TCOF1: variants seen among roughly 807,000 people sequenced by gnomAD.
TCOF1 encodes the protein treacle ribosome biogenesis factor 1, also known as treacle protein.
Under a neutral mutation model 149.0 loss-of-function variants are expected in TCOF1, and 33 were observed. The observed-to-expected ratio is 0.22, with a 90% CI of 0.17 to 0.30. TCOF1 has a LOEUF of 0.30. TCOF1 is among the 10% of genes least tolerant of loss of function. The pLI, the probability that TCOF1 is intolerant of heterozygous loss-of-function variation, is 1.00. For missense variants in TCOF1, 1,728 were observed against 1,840.7 expected (o/e 0.94, Z 1.12); for synonymous variants, 789 against 738.8 (o/e 1.07, Z -1.10).
rs775645448 is a variant in TCOF1, at chr5:150,375,145, A to C, written c.1470A>C (p.Ala490=). The change falls in exon 10 of 27, where the codon GCA becomes GCC. Residue 490 remains alanine (A), a synonymous_variant. Coordinates refer to ENST00000643257, the MANE Select transcript of TCOF1 (RefSeq NM_001371623.1). ...EESDSDREAL[A]AMNAAQVKPL... The stretch of plus-strand genomic sequence containing the variant: ...CAGACAGTGACAGAGAGGCACTGGC[A>C]GCCATGAATGCAGCTCAGGTGAGGC... The C allele has an allele frequency of 6.2e-7, 1 of 1,613,604 alleles. No individual in the cohort carries two copies.
At chr5:150,375,653 TTA>T in intron 11 of TCOF1, 66 bp from the exon 12 acceptor site, 1 of 1,612,748 alleles carries the variant, frequency 6.2e-7, no homozygotes, top group Non-Finnish European at 8.5e-7. Context: ...GTCTACAATC[TTA>T]GTTTCTTAAT....
intron 23 of TCOF1, among the ~76,000 whole-genome samples, chr5:150,395,665 C>T (rs1454880797): frequency 1.3e-5 from 2 of 152,230 alleles, no homozygotes; most frequent in South Asian, 4.1e-4. Context: ...TCAGCCACCA[C>T]GTGTATATAC....
At chr5:150,360,556 G>A (rs1214384640) in intron 1 of TCOF1, among the ~76,000 whole-genome samples, 1 of 152,180 alleles carries the variant, frequency 6.6e-6, no homozygotes, top group Non-Finnish European at 1.5e-5. Context: ...GGCATGGATA[G>A]TGCCAGAGAG....
intron 2 of TCOF1, among the ~76,000 whole-genome samples, chr5:150,361,785 T>A (rs1285122156): frequency 6.6e-6 from 1 of 151,834 alleles, no homozygotes; most frequent in Non-Finnish European, 1.5e-5. Flanking sequence ...GGGTAGAGAG[T>A]GGCAGGTGGA....
chr5:150,378,708 G>C (rs746850130), intron 14 of TCOF1, 197 bp from the exon 15 acceptor site: 4 of 674,960 alleles, frequency 5.9e-6, no homozygotes, highest in Non-Finnish European at 1.0e-5. Flanking sequence ...CCCGTAGGTG[G>C]GCCTTATTAT....
chr5:150,396,673 G>A lies in TCOF1; in HGVS notation c.4176G>A (p.Lys1392=), dbSNP rs1343180638. 1.2e-6 allele frequency: 2 copies of A among 1,612,260 alleles called. No individual in the cohort carries two copies. The highest frequency in any genetic ancestry group is 2.7e-5 in the African/African-American group (2 of 74,898). Residue 1392 remains lysine, a synonymous_variant, in exon 24 of 27, where the codon AAG becomes AAA. Coordinates refer to ENST00000643257, the MANE Select transcript of TCOF1 (RefSeq NM_001371623.1). ...KTSTTSKGKA[K]RDKASGDVKE... ...CCACGACTTCCAAGGGGAAAGCAAA[G>A]AGAGACAAAGCAAGTGGTGATGTCA...
intron 19 of TCOF1, among the ~76,000 whole-genome samples, chr5:150,390,515 C>T (rs1016893312): frequency 6.6e-6 from 1 of 152,132 alleles, no homozygotes; most frequent in Non-Finnish European, 1.5e-5. Context: ...CCAAGGGCTG[C>T]GATGTGACCA....
chr5:150,392,716 C>A lies in TCOF1; in HGVS notation c.3529C>A (p.Pro1177Thr). ...CTGTGCTTCTCCAGTAGGTCCCACCCCCTCCAGGACAGAGACCCTGGTGGA... is the reference window on the plus strand; with the variant it reads ...CTGTGCTTCTCCAGTAGGTCCCACCACCTCCAGGACAGAGACCCTGGTGGA... ...KSAHTLVGPT[P>T]SRTETLVEET... The change falls in exon 22 of 27, where the codon CCC becomes ACC. Residue 1177 changes from proline to threonine, a missense_variant. Pro to Thr is a conservative substitution (Grantham distance 38, BLOSUM62 -1). Coordinates refer to ENST00000643257, the MANE Select transcript of TCOF1 (RefSeq NM_001371623.1). 1 of 1,614,028 alleles carries A rather than the reference C, an allele frequency of 6.2e-7. No individual in the cohort carries two copies. The highest frequency in any genetic ancestry group is 8.5e-7 in the Non-Finnish European group (1 of 1,179,980).
chr5:150,390,056 C>T, intron 19 of TCOF1, 33 bp downstream of exon 19: 1 of 1,579,156 alleles, frequency 6.3e-7, no homozygotes, highest in Non-Finnish European at 8.6e-7. Flanking sequence ...TAATGCAGGC[C>T]AGTGGGGTGG....
intron 17 of TCOF1, chr5:150,384,754 G>T: frequency 1.0e-6 from 1 of 985,498 alleles, no homozygotes; most frequent in Non-Finnish European, 1.2e-6. Context: ...CATAGCCCGG[G>T]GAAGCTGCAG....
chr5:150,395,124 C>G (rs1173736795), intron 23 of TCOF1, among the ~76,000 whole-genome samples: 1 of 152,204 alleles, frequency 6.6e-6, no homozygotes, highest in South Asian at 2.1e-4. Context: ...CTCCCCCAGC[C>G]CACCGCAGCT....
chr5:150,397,402 C>T (rs1211563923), intron 24 of TCOF1, among the ~76,000 whole-genome samples: 1 of 152,086 alleles, frequency 6.6e-6, no homozygotes, highest in Non-Finnish European at 1.5e-5. Context: ...CATCCCAAAC[C>T]CCATCTTGTC....
chr5:150,389,231 G>A (rs1047118020), intron 18 of TCOF1, among the ~76,000 whole-genome samples: 3 of 152,094 alleles, frequency 2.0e-5, no homozygotes, highest in African/African-American at 7.2e-5. Context: ...GTTAACATTT[G>A]ACAAATGCTA....
At chr5:150,371,538 C>G (rs1361271496) in intron 6 of TCOF1, among the ~76,000 whole-genome samples, 2 of 152,186 alleles carry the variant, frequency 1.3e-5, no homozygotes, top group Non-Finnish European at 2.9e-5. Flanking sequence ...TAGGAAAGAG[C>G]TCACAGAGGG....
chr5:150,397,216 G>A (rs1768764137), intron 24 of TCOF1, among the ~76,000 whole-genome samples: 1 of 150,838 alleles, frequency 6.6e-6, no homozygotes, highest in Non-Finnish European at 1.5e-5. Context: ...GGCAGCTTGT[G>A]GCAAAGCCCG....
chr5:150,392,587 G>A (rs988922777), intron 21 of TCOF1, 118 bp from the exon 22 acceptor site: 53 of 925,490 alleles, frequency 5.7e-5, no homozygotes, highest in African/African-American at 1.9e-4. Context: ...GTGGTGAGGC[G>A]GGGCAGGGGA....
At chr5:150,369,864 G>A (rs544198766) in intron 6 of TCOF1, among the ~76,000 whole-genome samples, 144 of 152,246 alleles carry the variant, frequency 9.5e-4, no homozygotes, top group African/African-American at 3.2e-3. Flanking sequence ...CCTGGGAGAG[G>A]TGCCCTGGAG....
intron 22 of TCOF1, 151 bp from the exon 23 acceptor site, chr5:150,393,221 T>A (rs757035853): frequency 1.1e-5 from 10 of 871,324 alleles, no homozygotes; most frequent in Non-Finnish European, 1.9e-5. Flanking sequence ...GAAGTGCTGC[T>A]CTGTGCCTTG....
At chr5:150,365,253 CTTTTTTTTTTTT>C (rs991524826) in intron 3 of TCOF1, among the ~76,000 whole-genome samples, 1 of 116,494 alleles carries the variant, frequency 8.6e-6, no homozygotes, top group Non-Finnish European at 1.8e-5. Context: ...CTTTTTCTTT[CTTTTTTTTTTTT>C]TTTTTTTTAA....
Sources: allele counts gnomAD v4.1 joint callset (sites outside exome capture counted in the v4.1 genomes callset), GRCh38; gene constraint gnomAD v4.1.1; transcripts MANE v1.5; gene names NCBI Gene and HGNC (gene_info 2026-07-23, HGNC 2026-07-21).